The following ERBB4 variants were observed in gnomAD, a reference collection of about 807,000 sequenced individuals.
The protein encoded by ERBB4 is receptor tyrosine-protein kinase erbB-4.
A neutral mutation model predicts 158.0 loss-of-function variants in ERBB4; 42 were observed. The observed-to-expected ratio is 0.27, with a 90% confidence interval of 0.21 to 0.34. The LOEUF (loss-of-function observed/expected upper bound fraction) is 0.34, where lower values mean the gene tolerates loss of function less well. Among genes scored for constraint, ERBB4 ranks in the 10% least tolerant of loss-of-function variants. The probability of loss-of-function intolerance (pLI) is 1.00; values close to 1 mark genes in which losing one functional copy is unlikely to be tolerated. For missense variants in ERBB4, 1,333 were observed against 1,624.1 expected (o/e 0.82, Z 3.08); for synonymous variants, 583 against 558.7 (o/e 1.04, Z -0.61).
intron 20 of ERBB4, among the ~76,000 whole-genome samples, chr2:211,546,946 C>A (rs1034373623): frequency 1.3e-5 from 2 of 151,944 alleles, no homozygotes; most frequent in Non-Finnish European, 2.9e-5. Flanking sequence ...GAGGTGGATG[C>A]GGTTGTAAAG....
intron 1 of ERBB4, among the ~76,000 whole-genome samples, chr2:212,321,943 C>T (rs2087585561): frequency 6.7e-6 from 1 of 149,584 alleles, no homozygotes; most frequent in Non-Finnish European, 1.5e-5. Context: ...TGTTGCCTTC[C>T]TGTGGTTGAC....
intron 2 of ERBB4, among the ~76,000 whole-genome samples, chr2:212,117,216 G>A (rs2079596959): frequency 6.6e-6 from 1 of 152,094 alleles, no homozygotes; most frequent in Admixed American, 6.6e-5. Context: ...CCTGCTAAGA[G>A]GTCATCATGT....
At chr2:211,559,273 T>C (rs1168927082) in intron 20 of ERBB4, among the ~76,000 whole-genome samples, 1 of 152,212 alleles carries the variant, frequency 6.6e-6, no homozygotes, top group African/African-American at 2.4e-5. Flanking sequence ...TTCATTCTTA[T>C]ATCGCCTCAA....
chr2:211,646,263 T>C lies in ERBB4; in HGVS notation c.1946+11491A>G, dbSNP rs1453625278. On this transcript the variant is annotated intron_variant, in intron 16 of 27. Coordinates refer to ENST00000342788, the MANE Select transcript of ERBB4 (RefSeq NM_005235.3). ...TTAATACTCTAAGCATGTATTACTT[T>C]TGTAATTTTAAATTTTATTAAAAAT... Among the ~76,000 whole-genome samples, 5 of 151,654 alleles carry C rather than the reference T, an allele frequency of 3.3e-5. No homozygotes were observed. The East Asian group carries it at 9.6e-4, about 29-fold the overall frequency.
At chr2:212,218,391 C>T (rs891700835) in intron 1 of ERBB4, among the ~76,000 whole-genome samples, 7 of 151,274 alleles carry the variant, frequency 4.6e-5, no homozygotes, top group East Asian at 1.9e-4. Context: ...CTGGCTACAG[C>T]ATTCATCCCT....
At chr2:211,910,128 C>A (rs1293781695) in intron 3 of ERBB4, among the ~76,000 whole-genome samples, 1 of 151,342 alleles carries the variant, frequency 6.6e-6, no homozygotes, top group Admixed American at 6.6e-5. Context: ...CCATGTTGCC[C>A]AGGTTGGTCT....
At chr2:211,527,928 A>G (rs545061652) in intron 20 of ERBB4, among the ~76,000 whole-genome samples, 1 of 152,162 alleles carries the variant, frequency 6.6e-6, no homozygotes, top group African/African-American at 2.4e-5. Flanking sequence ...ACTAAAAGAA[A>G]GACAGGAAAG....
intron 1 of ERBB4, among the ~76,000 whole-genome samples, chr2:212,137,917 T>C (rs774321109): frequency 2.6e-5 from 4 of 152,178 alleles, no homozygotes; most frequent in Non-Finnish European, 4.4e-5. Context: ...GAAATATCTG[T>C]CATTCGTTTA....
intron 25 of ERBB4, among the ~76,000 whole-genome samples, chr2:211,416,048 G>C (rs2063381737): frequency 1.3e-5 from 2 of 152,154 alleles, no homozygotes; most frequent in Non-Finnish European, 2.9e-5. Context: ...TTAAGAGTTA[G>C]CTGATATGTT....
At chr2:211,520,451 T>C (rs2066156076) in intron 20 of ERBB4, among the ~76,000 whole-genome samples, 1 of 152,106 alleles carries the variant, frequency 6.6e-6, no homozygotes, top group Non-Finnish European at 1.5e-5. Flanking sequence ...CCGTGGCCTG[T>C]TCTGTACTGC....
intron 20 of ERBB4, among the ~76,000 whole-genome samples, chr2:211,431,651 G>A (rs2063750775): frequency 6.6e-6 from 1 of 152,096 alleles, no homozygotes; most frequent in African/African-American, 2.4e-5. Flanking sequence ...TGCACAGAAT[G>A]AAGTATATAC....
chr2:212,424,317 C>T (rs576079773), intron 1 of ERBB4, among the ~76,000 whole-genome samples: 1 of 152,008 alleles, frequency 6.6e-6, no homozygotes, highest in Non-Finnish European at 1.5e-5. Flanking sequence ...CTGGACCTTA[C>T]AATGGTAGGA....
chr2:211,388,140 A>G, intron 25 of ERBB4, 148 bp from the exon 26 acceptor site: 2 of 680,488 alleles, frequency 2.9e-6, no homozygotes, highest in Non-Finnish European at 5.3e-6. Context: ...TAAGCAGCAC[A>G]ATTGTATGCA....
chr2:211,916,779 A>G (rs888344813), intron 3 of ERBB4, among the ~76,000 whole-genome samples: 4 of 152,152 alleles, frequency 2.6e-5, no homozygotes, highest in African/African-American at 9.7e-5. Context: ...TAAGATTCTT[A>G]TGTACCATAA....
chr2:211,438,892 A>T (rs2063912636), intron 20 of ERBB4, among the ~76,000 whole-genome samples: 1 of 152,168 alleles, frequency 6.6e-6, no homozygotes, highest in Non-Finnish European at 1.5e-5. Context: ...TATTAAGGAC[A>T]ACCAAATTTC....
intron 2 of ERBB4, among the ~76,000 whole-genome samples, chr2:212,123,721 A>G (rs1260906593): frequency 6.6e-6 from 1 of 152,206 alleles, no homozygotes; most frequent in Non-Finnish European, 1.5e-5. Flanking sequence ...TACCAATTTT[A>G]GACATATTTA....
At chr2:211,491,269 G>T (rs2125571098) in intron 20 of ERBB4, among the ~76,000 whole-genome samples, 1 of 152,166 alleles carries the variant, frequency 6.6e-6, no homozygotes, top group East Asian at 1.9e-4. Context: ...GGCATTTTAT[G>T]CAATCATTTT....
intron 19 of ERBB4, among the ~76,000 whole-genome samples, chr2:211,607,950 G>C (rs908942661): frequency 1.5e-5 from 2 of 133,422 alleles, no homozygotes; most frequent in African/African-American, 2.8e-5. Flanking sequence ...GCTCACTGCT[G>C]TCTTGACCTC....
At chr2:211,772,834 T>TATATATATATATATACACAC (rs1219416032) in intron 4 of ERBB4, among the ~76,000 whole-genome samples, 2 of 10,336 alleles carry the variant, frequency 1.9e-4, no homozygotes, top group African/African-American at 7.7e-4. Context: ...TATATATATA[T>TATATATATATATATACACAC]ACACATATAT....
Sources: gnomAD v4.1 joint callset for allele counts (sites outside exome capture counted in the v4.1 genomes callset) on GRCh38, gnomAD v4.1.1 for gene constraint, MANE v1.5 for transcripts, NCBI Gene and HGNC (gene_info 2026-07-23, HGNC 2026-07-21) for gene names.